BRAF: variants seen among roughly 807,000 people sequenced by gnomAD.
BRAF encodes the protein B-Raf proto-oncogene, serine/threonine kinase.
Under a neutral mutation model 104.6 loss-of-function variants are expected in BRAF, and 16 were observed. The observed-to-expected ratio is 0.15, with a 90% CI of 0.10 to 0.23. The LOEUF (loss-of-function observed/expected upper bound fraction) is 0.23, where lower values mean the gene tolerates loss of function less well. BRAF is among the 10% of genes least tolerant of loss of function. The pLI is 1.00. For synonymous variants in BRAF, 310 were observed against 341.6 expected, an observed-to-expected ratio of 0.91 and a Z score of 1.02; for missense variants, 541 against 937.3, an observed-to-expected ratio of 0.58 and a Z score of 5.52.
chr7:140,915,572 T>C (rs1817534269), intron 1 of BRAF, among the ~76,000 whole-genome samples: 1 of 151,676 alleles, frequency 6.6e-6, no homozygotes, highest in Non-Finnish European at 1.5e-5. Context: ...GTAGCTGGGA[T>C]TACAGACATG....
intron 3 of BRAF, among the ~76,000 whole-genome samples, chr7:140,822,092 C>T (rs1805548825): frequency 6.6e-6 from 1 of 152,106 alleles, no homozygotes; most frequent in South Asian, 2.1e-4. Flanking sequence ...ATCATTTGTA[C>T]ATCAAACCTC....
chr7:140,856,887 A>C (rs1401159996), intron 1 of BRAF, among the ~76,000 whole-genome samples: 1 of 152,216 alleles, frequency 6.6e-6, no homozygotes, highest in African/African-American at 2.4e-5. Flanking sequence ...CAAGAAGATA[A>C]TGAACTGACG....
At chr7:140,816,478 T>C (rs1804897605) in intron 3 of BRAF, among the ~76,000 whole-genome samples, 2 of 152,224 alleles carry the variant, frequency 1.3e-5, no homozygotes, top group South Asian at 4.1e-4. Flanking sequence ...AGAACATACC[T>C]TTTCCTTAAT....
At chr7:140,787,608 T>C in intron 8 of BRAF, 24 bp from the exon 9 acceptor site, 2 of 1,600,412 alleles carry the variant, frequency 1.2e-6, no homozygotes, top group Non-Finnish European at 1.7e-6. Flanking sequence ...GTAATGTATA[T>C]TTATTCCAAG....
chr7:140,733,885 T>A (rs1796174239), intron 19 of BRAF: 6 of 640,620 alleles, frequency 9.4e-6, no homozygotes, highest in East Asian at 1.0e-4. Context: ...TAATGTATTT[T>A]AAAAAAAGCT....
downstream of BRAF, among the ~76,000 whole-genome samples, chr7:140,718,750 T>C (rs1011915274): frequency 1.3e-5 from 2 of 152,202 alleles, no homozygotes; most frequent in Non-Finnish European, 2.9e-5. Context: ...ATATATTTTG[T>C]CTGAAGATAC....
chr7:140,900,792 G>C (rs539406613), intron 1 of BRAF, among the ~76,000 whole-genome samples: 9 of 152,272 alleles, frequency 5.9e-5, no homozygotes, highest in Admixed American at 3.3e-4. Context: ...GGTATTTTTA[G>C]TAGAGACGGG....
At chr7:140,895,282 T>C (rs911522836) in intron 1 of BRAF, among the ~76,000 whole-genome samples, 24 of 152,148 alleles carry the variant, frequency 1.6e-4, no homozygotes, top group African/African-American at 5.6e-4. Flanking sequence ...CCATTTAGGA[T>C]TTTTAAAAAT....
intron 16 of BRAF, 44 bp from the exon 16 acceptor site, chr7:140,749,462 T>C (rs1395998306): frequency 3.7e-6 from 6 of 1,603,316 alleles, no homozygotes; most frequent in Admixed American, 1.7e-5. Flanking sequence ...TTCAATTGAA[T>C]AAAGACTGAA....
chr7:140,731,934 G>T (rs1188853794), intron 19 of BRAF: 1 of 151,590 alleles, frequency 6.6e-6, no homozygotes, highest in Admixed American at 6.6e-5. Flanking sequence ...CACTTTGGGA[G>T]GCCGAGGCGG....
At chr7:140,755,789 C>G (rs1798152583) in intron 14 of BRAF, among the ~76,000 whole-genome samples, 1 of 151,440 alleles carries the variant, frequency 6.6e-6, no homozygotes, top group Middle Eastern at 3.2e-3. Flanking sequence ...ATCTTGTCTC[C>G]ATTAGAAAGA....
At chr7:140,784,731 G>A (rs1241050435) in intron 10 of BRAF, among the ~76,000 whole-genome samples, 3 of 148,024 alleles carry the variant, frequency 2.0e-5, no homozygotes, top group South Asian at 4.3e-4. Context: ...TGCAACCTCC[G>A]CCTCCTGGGT....
chr7:140,885,114 G>A (rs1013132443), intron 1 of BRAF, among the ~76,000 whole-genome samples: 9 of 151,938 alleles, frequency 5.9e-5, no homozygotes, highest in South Asian at 2.1e-4. Context: ...CGATTCTCCC[G>A]CCTCTCAGCC....
chr7:140,714,500 TG>T (rs1409082754), downstream of BRAF, among the ~76,000 whole-genome samples: 2 of 152,114 alleles, frequency 1.3e-5, no homozygotes, highest in Non-Finnish European at 1.5e-5. Context: ...CCCCAGTAGC[TG>T]GGACTACAAG....
At chr7:140,890,207 G>A (rs2129115210) in intron 1 of BRAF, among the ~76,000 whole-genome samples, 1 of 152,174 alleles carries the variant, frequency 6.6e-6, no homozygotes, top group East Asian at 1.9e-4. Context: ...CTGGCACAAA[G>A]TAAATAATAA....
chr7:140,903,566 C>T (rs1263519774), intron 1 of BRAF, among the ~76,000 whole-genome samples: 1 of 152,160 alleles, frequency 6.6e-6, no homozygotes, highest in Admixed American at 6.5e-5. Flanking sequence ...AATCTTGCAA[C>T]CCATGGATCA....
At chr7:140,896,934 A>G (rs1026790642) in intron 1 of BRAF, among the ~76,000 whole-genome samples, 1 of 151,736 alleles carries the variant, frequency 6.6e-6, no homozygotes, top group African/African-American at 2.4e-5. Context: ...AACCATGTTC[A>G]TGAATTGGAA....
At chr7:140,917,368 T>TA (rs1314913584) in intron 1 of BRAF, among the ~76,000 whole-genome samples, 3 of 152,156 alleles carry the variant, frequency 2.0e-5, no homozygotes, top group African/African-American at 7.2e-5. Context: ...GCCCCACTGA[T>TA]ATGACTTTTA....
intron 13 of BRAF, among the ~76,000 whole-genome samples, chr7:140,777,562 T>C (rs1800457123): frequency 6.6e-6 from 1 of 152,184 alleles, no homozygotes; most frequent in African/African-American, 2.4e-5. Context: ...CTCAGTTCTG[T>C]TGATTATTTT....
Sources: gnomAD v4.1 joint callset for allele counts (sites outside exome capture counted in the v4.1 genomes callset) on GRCh38, gnomAD v4.1.1 for gene constraint, MANE v1.5 for transcripts, NCBI Gene and HGNC (gene_info 2026-07-23, HGNC 2026-07-21) for gene names.